ARHGAP40: variants seen among roughly 807,000 people sequenced by gnomAD.
ARHGAP40 encodes the protein rho GTPase-activating protein 40.
In ARHGAP40, 43 loss-of-function variants were observed where a neutral mutation model predicts 73.5. The observed-to-expected ratio is 0.58, with a 90% CI of 0.46 to 0.75. ARHGAP40 has a LOEUF of 0.75. ARHGAP40 is among the 30% of genes least tolerant of loss of function. The pLI is 0.00. For missense variants in ARHGAP40, 734 were observed against 861.8 expected, an observed-to-expected ratio of 0.85 and a Z score of 1.86; for synonymous variants, 300 against 352.8, an observed-to-expected ratio of 0.85 and a Z score of 1.68.
chr20:38,642,730 T>TTCCA (rs1033607631), intron 10 of ARHGAP40, among the ~76,000 whole-genome samples: 2 of 42,598 alleles, frequency 4.7e-5, no homozygotes, highest in African/African-American at 1.2e-4. Flanking sequence ...CCATCCATCC[T>TTCCA]TCCATCCATC....
At chr20:38,635,890 C>G (rs1313500704) in intron 6 of ARHGAP40, among the ~76,000 whole-genome samples, 1 of 152,142 alleles carries the variant, frequency 6.6e-6, no homozygotes, top group East Asian at 1.9e-4. Context: ...TATGAGTAAA[C>G]TGGGCGTAGC....
At chr20:38,626,592 A>G (rs2088899740) in intron 2 of ARHGAP40, among the ~76,000 whole-genome samples, 1 of 152,232 alleles carries the variant, frequency 6.6e-6, no homozygotes, top group Non-Finnish European at 1.5e-5. Context: ...CCAAAGGGAC[A>G]TCAACACCCA....
At chr20:38,627,294 A>G in intron 3 of ARHGAP40, 79 bp downstream of exon 3, 1 of 1,225,596 alleles carries the variant, frequency 8.2e-7, no homozygotes. Flanking sequence ...AGATGCAGTG[A>G]TCCTGCTGAA....
Position 38,632,922 on chromosome 20 carries a change from C to T in ARHGAP40, c.784-1698C>T, listed in dbSNP as rs370025654. Among the ~76,000 whole-genome samples the T allele has an allele frequency of 1.4e-4, 22 of 152,104 alleles. No homozygotes were observed. The East Asian group carries it at 2.5e-3, about 17-fold the overall frequency. ...CAGATCACTTGAGGTCAGGAGTTTG[C>T]GACCAGCTGGGCCAACATGGTGAAA... is the stretch of plus-strand genomic sequence containing the variant. On this transcript the variant is annotated intron_variant, in intron 5 of 14. Transcript: ENST00000373345.
chr20:38,615,057 T>A lies in ARHGAP40; in HGVS notation c.138-8302T>A, dbSNP rs561865227. The A allele has an allele frequency of 4.2e-6, 4 of 951,476 alleles. No homozygotes were observed. In the African/African-American group the frequency reaches 4.8e-5, roughly 11 times the overall value. The allele number at this position is 951,476 out of a possible 1,614,324, so 58.9% of individuals were successfully genotyped here. On this transcript the variant is annotated intron_variant, in intron 1 of 14. Transcript: ENST00000373345. ...ATCCGGCTTGGCATGTGCCTCCTGT[T>A]GCCTCACAAAGCTGTCAGCAGACAC...
At chr20:38,626,711 C>G (rs535762977) in intron 2 of ARHGAP40, among the ~76,000 whole-genome samples, 3 of 152,160 alleles carry the variant, frequency 2.0e-5, no homozygotes, top group South Asian at 2.1e-4. Context: ...TCTGAACATG[C>G]AGGGCCCTTC....
chr20:38,623,582 A>G (rs1007576209), intron 2 of ARHGAP40, 24 bp downstream of exon 2: 3 of 1,270,228 alleles, frequency 2.4e-6, no homozygotes, highest in Middle Eastern at 2.2e-4. Context: ...GCGGGGGCCT[A>G]TAGGGGTGGT....
At chr20:38,632,965 A>T (rs1192927843) in intron 5 of ARHGAP40, among the ~76,000 whole-genome samples, 3 of 152,270 alleles carry the variant, frequency 2.0e-5, no homozygotes, top group African/African-American at 7.2e-5. Flanking sequence ...CCTACTAAAA[A>T]TACAAAAGTT....
intron 9 of ARHGAP40, among the ~76,000 whole-genome samples, chr20:38,640,151 C>CTTCTTCCTCTTCCTCTTCTT (rs1555792550): frequency 9.5e-5 from 13 of 136,778 alleles, no homozygotes; most frequent in African/African-American, 2.8e-4. Flanking sequence ...TTTCTTCTTC[C>CTTCTTCCTCTTCCTCTTCTT]TCTTCTTTCT....
At chr20:38,623,543 G>T (rs780984143) in exon 2 of ARHGAP40, 93 of 1,289,732 alleles carry the variant, frequency 7.2e-5, no homozygotes, top group Admixed American at 2.1e-4. Context: ...CGGGAATGAA[G>T]GCCAGCTTCC....
intron 9 of ARHGAP40, among the ~76,000 whole-genome samples, 161 bp downstream of exon 9, chr20:38,639,547 G>T (rs2089001246): frequency 2.0e-5 from 3 of 152,264 alleles, no homozygotes; most frequent in Admixed American, 6.5e-5. Context: ...GAACATGTGA[G>T]CCCAATGTGT....
chr20:38,649,635 G>T (rs1186577744), intron 14 of ARHGAP40, 122 bp from the exon 15 acceptor site: 2 of 494,582 alleles, frequency 4.0e-6, no homozygotes, highest in East Asian at 7.4e-5. Context: ...GTAGCTGTGA[G>T]CTGTAGCAGT....
intron 14 of ARHGAP40, among the ~76,000 whole-genome samples, chr20:38,649,475 T>A (rs934858405): frequency 2.6e-5 from 4 of 152,168 alleles, no homozygotes; most frequent in African/African-American, 9.7e-5. Context: ...ACAAATCACA[T>A]CAGAGTTGTT....
exon 13 of ARHGAP40, chr20:38,647,123 T>C: frequency 7.7e-7 from 1 of 1,304,098 alleles, no homozygotes; most frequent in Non-Finnish European, 1.0e-6. Context: ...AGCCTCCTTC[T>C]ACAGTAAGAG....
exon 2 of ARHGAP40, chr20:38,623,456 A>G: frequency 1.5e-6 from 2 of 1,290,876 alleles, no homozygotes; most frequent in South Asian, 2.5e-5. Flanking sequence ...TGGAGTGGAG[A>G]GCTCCAGCAT....
chr20:38,623,678 G>C (rs943376073), intron 2 of ARHGAP40, 120 bp downstream of exon 2: 20 of 791,160 alleles, frequency 2.5e-5, no homozygotes, highest in Admixed American at 1.5e-4. Context: ...TGCCTGGACT[G>C]GTGCAGTATC....
intron 1 of ARHGAP40, among the ~76,000 whole-genome samples, chr20:38,608,808 A>G (rs2088788042): frequency 6.6e-6 from 1 of 152,142 alleles, no homozygotes; most frequent in African/African-American, 2.4e-5. Context: ...CTGGTCTAAA[A>G]ATCAAGGTGT....
chr20:38,630,924 C>T (rs2088934330), intron 5 of ARHGAP40, among the ~76,000 whole-genome samples: 1 of 152,246 alleles, frequency 6.6e-6, no homozygotes, highest in African/African-American at 2.4e-5. Context: ...TCGATGCAAT[C>T]TTAGGTAACA....
At chr20:38,631,950 T>A (rs2088942052) in intron 5 of ARHGAP40, among the ~76,000 whole-genome samples, 2 of 152,032 alleles carry the variant, frequency 1.3e-5, no homozygotes, top group Admixed American at 1.3e-4. Context: ...AACATTTATA[T>A]TTATTTATTT....
Sources: gnomAD v4.1 joint callset for allele counts (sites outside exome capture counted in the v4.1 genomes callset) on GRCh38, gnomAD v4.1.1 for gene constraint, MANE v1.5 for transcripts, NCBI Gene and HGNC (gene_info 2026-07-23, HGNC 2026-07-21) for gene names.